The following FARS2 variants were observed in gnomAD, a reference collection of about 807,000 sequenced individuals.
FARS2 encodes the protein phenylalanine--tRNA ligase, mitochondrial.
A neutral mutation model predicts 46.4 loss-of-function variants in FARS2; 40 were observed. The ratio of observed to expected loss-of-function variants is 0.86; its 90% CI spans 0.67 to 1.12. The LOEUF (loss-of-function observed/expected upper bound fraction) is 1.12, where lower values mean the gene tolerates loss of function less well. FARS2 is among the 50% of genes most tolerant of loss of function. The pLI, the probability that FARS2 is intolerant of heterozygous loss-of-function variation, is 0.00. For missense variants in FARS2, 513 were observed against 567.9 expected, an observed-to-expected ratio of 0.90 and a Z score of 0.98; for synonymous variants, 234 against 214.9, an observed-to-expected ratio of 1.09 and a Z score of -0.78.
rs563081089 is a variant in FARS2, at chr6:5,408,640, A to G, written c.772+3939A>G. Among the ~76,000 whole-genome samples the G allele has an allele frequency of 7.9e-5, 12 of 152,340 alleles. 1 individual carries two copies. Among genetic ancestry groups the G allele is most frequent in the African/African-American group, 2.9e-4 (12 of 41,578 alleles). ...TTGCTTCACTCAAGAATAAAACAAG[A>G]TAACGTGAAAGATGCCTTGTAAGTA... On this transcript the variant is annotated intron_variant, in intron 3 of 6. Coordinates refer to ENST00000274680, the MANE Select transcript of FARS2 (RefSeq NM_006567.5).
intron 6 of FARS2, among the ~76,000 whole-genome samples, chr6:5,685,148 C>G (rs1243793141): frequency 6.6e-6 from 1 of 151,056 alleles, no homozygotes; most frequent in East Asian, 1.9e-4. Flanking sequence ...AGAATGGAAG[C>G]AAAAGGGGAG....
At chr6:5,480,255 T>C (rs1207211966) in intron 4 of FARS2, among the ~76,000 whole-genome samples, 1 of 152,156 alleles carries the variant, frequency 6.6e-6, no homozygotes, top group Non-Finnish European at 1.5e-5. Flanking sequence ...TAAAGTTAAA[T>C]ATGAAGCCTT....
At chr6:5,754,629 C>T (rs1183479845) in intron 6 of FARS2, among the ~76,000 whole-genome samples, 1 of 152,228 alleles carries the variant, frequency 6.6e-6, no homozygotes, top group Non-Finnish European at 1.5e-5. Flanking sequence ...CAGACCTTTT[C>T]ATTGTGTCTC....
chr6:5,479,865 C>A (rs2150339605), intron 4 of FARS2, among the ~76,000 whole-genome samples: 1 of 152,326 alleles, frequency 6.6e-6, no homozygotes, highest in South Asian at 2.1e-4. Flanking sequence ...CAGGGAGATA[C>A]CAGCTAGCTA....
chr6:5,359,956 T>C (rs1758197029), intron 1 of FARS2, among the ~76,000 whole-genome samples: 1 of 152,228 alleles, frequency 6.6e-6, no homozygotes, highest in African/African-American at 2.4e-5. Flanking sequence ...AAAGAGGTTA[T>C]TCACTTCTTC....
chr6:5,609,500 G>A, intron 5 of FARS2: 1 of 1,202,472 alleles, frequency 8.3e-7, no homozygotes, highest in South Asian at 1.2e-5. Flanking sequence ...CATCATGGCT[G>A]CCACCAAAGC....
At chr6:5,609,542 A>G (rs189243796) in intron 5 of FARS2, 8 of 1,277,616 alleles carry the variant, frequency 6.3e-6, no homozygotes, top group South Asian at 6.0e-5. Context: ...CTCCATGACC[A>G]AAGTTGTCAT....
intron 1 of FARS2, among the ~76,000 whole-genome samples, chr6:5,276,333 G>GT (rs1271884725): frequency 6.6e-6 from 1 of 152,138 alleles, no homozygotes; most frequent in African/African-American, 2.4e-5. Context: ...TGTATCATAG[G>GT]TTTTTTCACA....
chr6:5,345,723 T>TCCAC (rs1757187048), intron 1 of FARS2, among the ~76,000 whole-genome samples: 1 of 152,224 alleles, frequency 6.6e-6, no homozygotes, highest in Non-Finnish European at 1.5e-5. Flanking sequence ...ATGTTCCCTT[T>TCCAC]CCACCATTCT....
intron 6 of FARS2, among the ~76,000 whole-genome samples, chr6:5,685,790 A>G (rs1757153185): frequency 6.6e-6 from 1 of 152,208 alleles, no homozygotes; most frequent in South Asian, 2.1e-4. Flanking sequence ...GCTTCCTAGA[A>G]GAGGCCCATA....
chr6:5,319,418 C>G (rs889107825), intron 1 of FARS2, among the ~76,000 whole-genome samples: 16 of 152,340 alleles, frequency 1.1e-4, no homozygotes, highest in African/African-American at 3.6e-4. Context: ...AGTAAACACA[C>G]TATGCATGTG....
rs73719632 is a variant in FARS2, at chr6:5,533,188, G to T, written c.905-11992G>T. ...TATACAGTAGAACTCAGCGAATGGT[G>T]ACCAAGGTAGGGGTCAATGAATAGA... On this transcript the variant is annotated intron_variant, in intron 4 of 6. Coordinates refer to ENST00000274680, the MANE Select transcript of FARS2 (RefSeq NM_006567.5). 8.7e-3 allele frequency among the ~76,000 whole-genome samples: 1,323 copies of T among 152,256 alleles called. 16 individuals are homozygous for T. Among genetic ancestry groups the T allele is most frequent in the African/African-American group, 0.03 (1,230 of 41,538 alleles).
chr6:5,630,562 C>T lies in FARS2; in HGVS notation c.1217+17242C>T, dbSNP rs1390148429. On this transcript the variant is annotated intron_variant, in intron 6 of 6. Coordinates refer to ENST00000274680, the MANE Select transcript of FARS2 (RefSeq NM_006567.5). This position sits in a 1 kb window ranked among gnomAD's most constrained non-coding sequence, Gnocchi z 4.2. ...TGGAAACCAGACCTGCCTCTTCATA[C>T]TTATGTGTCTGGTAATAGGCATTTG... Among the ~76,000 whole-genome samples the T allele has an allele frequency of 6.6e-6, 1 of 152,202 alleles. No individual in the cohort carries two copies. Among genetic ancestry groups the T allele is most frequent in the Non-Finnish European group, 1.5e-5 (1 of 68,040 alleles).
chr6:5,730,950 A>G (rs1452236292), intron 6 of FARS2, among the ~76,000 whole-genome samples: 1 of 152,202 alleles, frequency 6.6e-6, no homozygotes, highest in Non-Finnish European at 1.5e-5. Context: ...TCACACAGCT[A>G]CTAAGTGGTA....
At chr6:5,345,266 A>G (rs1160357457) in intron 1 of FARS2, among the ~76,000 whole-genome samples, 1 of 152,000 alleles carries the variant, frequency 6.6e-6, no homozygotes, top group Non-Finnish European at 1.5e-5. Context: ...GTTTTGCTGG[A>G]GGTGTTAGTA....
chr6:5,297,402 C>CT (rs893207554), intron 1 of FARS2, among the ~76,000 whole-genome samples: 18 of 152,326 alleles, frequency 1.2e-4, no homozygotes, highest in African/African-American at 4.3e-4. Flanking sequence ...AATCCCAGCA[C>CT]TTTGGGGGGC....
At chr6:5,425,967 C>T (rs1762825372) in intron 3 of FARS2, among the ~76,000 whole-genome samples, 1 of 152,188 alleles carries the variant, frequency 6.6e-6, no homozygotes, top group Non-Finnish European at 1.5e-5. Context: ...GATAAGTAAG[C>T]TTCCCGCGGT....
upstream of FARS2, chr6:5,260,617 CG>C: frequency 2.0e-6 from 3 of 1,491,580 alleles, no homozygotes; most frequent in African/African-American, 1.4e-5. Context: ...CCTGGCCCCC[CG>C]CCCCCGGCCC....
chr6:5,338,340 T>C lies in FARS2; in HGVS notation c.-21-30210T>C, dbSNP rs145619087. ...ATTGTGCTTTTGTTTTTACTAAAGC[T>C]GAAAACATCTATCTGTTTGCTCTCT... On this transcript the variant is annotated intron_variant, in intron 1 of 6. Coordinates refer to ENST00000274680, the MANE Select transcript of FARS2 (RefSeq NM_006567.5). 4.1e-3 allele frequency among the ~76,000 whole-genome samples: 631 copies of C among 152,338 alleles called. 3 individuals are homozygous for C. Among genetic ancestry groups the C allele is most frequent in the Middle Eastern group, 0.014 (4 of 294 alleles).
Sources: gnomAD v4.1 joint callset for allele counts (sites outside exome capture counted in the v4.1 genomes callset) on GRCh38, gnomAD v4.1.1 for gene constraint, Gnocchi (gnomAD v3.1) non-coding constraint, MANE v1.5 for transcripts, NCBI Gene and HGNC (gene_info 2026-07-23, HGNC 2026-07-21) for gene names.